GPC6: variants seen among roughly 807,000 people sequenced by gnomAD.
GPC6 encodes the protein glypican 6, also known as glypican-6.
A neutral mutation model predicts 55.2 loss-of-function variants in GPC6; 14 were observed. The observed-to-expected ratio is 0.25, with a 90% CI of 0.17 to 0.40. The LOEUF is 0.40. GPC6 is among the 10% of genes least tolerant of loss of function. GPC6 has a pLI of 1.00. For synonymous variants in GPC6, 278 were observed against 259.6 expected (o/e 1.07, Z -0.68); for missense variants, 641 against 708.5 (o/e 0.90, Z 1.08).
chr13:94,160,877 T>C (rs190176005), intron 4 of GPC6, among the ~76,000 whole-genome samples: 27 of 152,332 alleles, frequency 1.8e-4, no homozygotes, highest in South Asian at 6.2e-4. Flanking sequence ...ACAAAAGATA[T>C]CTTCCCAGAT....
At chr13:94,288,773 ATT>A (rs554324885) in intron 5 of GPC6, among the ~76,000 whole-genome samples, 1,128 of 108,858 alleles carry the variant, frequency 0.01, 8 homozygotes, top group Middle Eastern at 0.026. Context: ...ATATATATAT[ATT>A]TGTTATATAT....
chr13:93,734,307 G>A (rs1241846618), intron 2 of GPC6, among the ~76,000 whole-genome samples: 1 of 152,080 alleles, frequency 6.6e-6, no homozygotes, highest in Non-Finnish European at 1.5e-5. Flanking sequence ...TCTCACTAGT[G>A]GGAACAATTG....
intron 2 of GPC6, among the ~76,000 whole-genome samples, chr13:93,807,959 A>G (rs1886588119): frequency 6.6e-6 from 1 of 152,186 alleles, no homozygotes; most frequent in African/African-American, 2.4e-5. Flanking sequence ...AAGGAATTAT[A>G]ATTTTGTTTT....
intron 3 of GPC6, among the ~76,000 whole-genome samples, chr13:93,956,780 G>A (rs867733280): frequency 2.0e-5 from 3 of 152,166 alleles, no homozygotes; most frequent in South Asian, 2.1e-4. Flanking sequence ...CTATTTATCT[G>A]CATTTCATTG....
intron 6 of GPC6, among the ~76,000 whole-genome samples, chr13:94,336,767 T>C (rs1877726206): frequency 6.6e-6 from 1 of 152,016 alleles, no homozygotes; most frequent in African/African-American, 2.4e-5. Context: ...AAATCCAAAA[T>C]CATTGAATTT....
chr13:94,064,192 T>C (rs1317846656), intron 4 of GPC6, among the ~76,000 whole-genome samples: 1 of 152,176 alleles, frequency 6.6e-6, no homozygotes, highest in Non-Finnish European at 1.5e-5. Context: ...TACTAAATTA[T>C]CTCCAAAATG....
At chr13:93,631,887 G>C (rs1879457143) in intron 2 of GPC6, among the ~76,000 whole-genome samples, 1 of 152,172 alleles carries the variant, frequency 6.6e-6, no homozygotes, top group South Asian at 2.1e-4. Context: ...ATTCAATTTA[G>C]TATGTGCCTT....
chr13:94,280,990 T>C (rs1387717624), intron 4 of GPC6, among the ~76,000 whole-genome samples: 1 of 152,146 alleles, frequency 6.6e-6, no homozygotes, highest in Non-Finnish European at 1.5e-5. Context: ...TTTAATATGC[T>C]TCATCTATGT....
rs1276828269 is a variant in GPC6 at position 94,129,314 on chromosome 13, C to T, written c.877+101420C>T. Reference sequence around the variant, plus strand: ...ATCCCTTCCTCTCCTTTCCTCTACTCGCCTCTCTATAAGCAGGGAATTACA... The same window carrying T: ...ATCCCTTCCTCTCCTTTCCTCTACTTGCCTCTCTATAAGCAGGGAATTACA... On this transcript the variant is annotated intron_variant, in intron 4 of 8. Coordinates refer to ENST00000377047, the MANE Select transcript of GPC6 (RefSeq NM_005708.5). Among the ~76,000 whole-genome samples the T allele has an allele frequency of 2.6e-5, 4 of 152,200 alleles. No individual in the cohort carries two copies. In the East Asian group the frequency reaches 7.8e-4, roughly 30 times the overall value.
At chr13:94,242,752 C>T (rs757941152) in intron 4 of GPC6, among the ~76,000 whole-genome samples, 1 of 152,006 alleles carries the variant, frequency 6.6e-6, no homozygotes, top group Non-Finnish European at 1.5e-5. Context: ...GGTTGTGATT[C>T]ATATAACACA....
chr13:93,761,583 C>T (rs1884956089), intron 2 of GPC6, among the ~76,000 whole-genome samples: 1 of 152,078 alleles, frequency 6.6e-6, no homozygotes, highest in Non-Finnish European at 1.5e-5. Context: ...GTGGTGCAAT[C>T]ATAGCTCCCT....
chr13:93,932,376 G>T (rs1878220243), intron 3 of GPC6, among the ~76,000 whole-genome samples: 1 of 151,986 alleles, frequency 6.6e-6, no homozygotes, highest in Admixed American at 6.6e-5. Flanking sequence ...AAATCTCCAA[G>T]AATCGCTATT....
intron 4 of GPC6, among the ~76,000 whole-genome samples, chr13:94,196,646 GT>G (rs1172105182): frequency 6.6e-6 from 1 of 152,144 alleles, no homozygotes; most frequent in Non-Finnish European, 1.5e-5. Context: ...AAGCGGAAGA[GT>G]TTTACCCAAG....
At chr13:94,159,725 A>G (rs919230664) in intron 4 of GPC6, among the ~76,000 whole-genome samples, 7 of 152,208 alleles carry the variant, frequency 4.6e-5, no homozygotes, top group African/African-American at 1.4e-4. Flanking sequence ...TTACCCTGCC[A>G]ATATATACTT....
intron 6 of GPC6, among the ~76,000 whole-genome samples, chr13:94,350,977 C>G (rs1380041571): frequency 6.6e-6 from 1 of 152,120 alleles, no homozygotes; most frequent in East Asian, 1.9e-4. Context: ...GATGACGCTG[C>G]CCTGAATCTC....
chr13:93,552,792 T>A (rs373517449), intron 2 of GPC6, among the ~76,000 whole-genome samples: 4 of 152,318 alleles, frequency 2.6e-5, no homozygotes, highest in East Asian at 3.9e-4. Flanking sequence ...CCAGAAGGGT[T>A]CTTGGTAATG....
chr13:94,097,865 A>C (rs961747278), intron 4 of GPC6, among the ~76,000 whole-genome samples: 1 of 152,218 alleles, frequency 6.6e-6, no homozygotes, highest in African/African-American at 2.4e-5. Flanking sequence ...AGTGTCACAG[A>C]CCTATTGACT....
intron 1 of GPC6, among the ~76,000 whole-genome samples, chr13:93,339,555 A>C (rs935273838): frequency 2.6e-5 from 4 of 151,400 alleles, no homozygotes; most frequent in African/African-American, 9.7e-5. Context: ...TGTTGAATGC[A>C]TGAGCCCCCA....
intron 4 of GPC6, among the ~76,000 whole-genome samples, chr13:94,192,998 C>T (rs1170106131): frequency 2.6e-5 from 4 of 151,902 alleles, no homozygotes; most frequent in Non-Finnish European, 5.9e-5. Flanking sequence ...GGGATCAGAA[C>T]AGTTAGACTA....
Sources: allele counts gnomAD v4.1 joint callset (sites outside exome capture counted in the v4.1 genomes callset), GRCh38; gene constraint gnomAD v4.1.1; transcripts MANE v1.5; gene names NCBI Gene and HGNC (gene_info 2026-07-23, HGNC 2026-07-21).